SURF4: variants seen among roughly 807,000 people sequenced by gnomAD.
SURF4 encodes surfeit locus protein 4.
Under a neutral mutation model 30.0 loss-of-function variants are expected in SURF4, and 3 were observed. The observed-to-expected ratio is 0.10, with a 90% CI of 0.05 to 0.26. The LOEUF is 0.26. Among genes scored for constraint, SURF4 ranks in the 10% least tolerant of loss-of-function variants. The pLI is 1.00. For synonymous variants in SURF4, 143 were observed against 139.9 expected (o/e 1.02, Z -0.16); for missense variants, 217 against 350.8 (o/e 0.62, Z 3.05).
chr9:133,371,845 C>T (rs2130192487), intron 1 of SURF4, among the ~76,000 whole-genome samples: 2 of 152,280 alleles, frequency 1.3e-5, no homozygotes, highest in Non-Finnish European at 1.5e-5. Flanking sequence ...CAACTAGGGC[C>T]GAGGCCAGCT....
At chr9:133,372,932 G>A (rs1035785006) in intron 1 of SURF4, among the ~76,000 whole-genome samples, 3 of 152,210 alleles carry the variant, frequency 2.0e-5, no homozygotes, top group Admixed American at 2.0e-4. Flanking sequence ...CCACAAAAGG[G>A]CATGGAAGCT....
rs2130090741 is a variant in SURF4, at chr9:133,363,679, A to G, written c.624T>C (p.Leu208=). ...CGTTGATGGCAAAGAGCCACACAAC[A>G]AGAGTCAAAGCAGCCAGCTTGGTTT... The part of the protein sequence containing the change: ...GFKTKLAALT[L]VVWLFAINVY... Residue 208 remains leucine (L), a synonymous_variant, in exon 6 of 6, where the codon CTT becomes CTC. Coordinates refer to ENST00000371989, the MANE Select transcript of SURF4 (RefSeq NM_033161.4). The surrounding 1 kb of genome is among the most constrained non-coding windows in gnomAD (Gnocchi z 4.3). 3.1e-6 allele frequency: 5 copies of G among 1,614,268 alleles called. No individual in the cohort carries two copies. Among genetic ancestry groups the G allele is most frequent in the East Asian group, 2.2e-5 (1 of 44,894 alleles).
At position 133,363,396 on chromosome 9, in the gene SURF4, A is replaced by C. The variant is rs2130085065; in HGVS notation, c.*97T>G. Reference sequence around the variant, plus strand: ...TGCCTTTACCAAGGGAGGGGAAGGGAAGAGGATACATAAAAGCTGGCAGTT... The same window carrying C: ...TGCCTTTACCAAGGGAGGGGAAGGGCAGAGGATACATAAAAGCTGGCAGTT... On this transcript the variant is annotated 3_prime_UTR_variant, in exon 6 of 6. Coordinates refer to ENST00000371989, the MANE Select transcript of SURF4 (RefSeq NM_033161.4). This position sits in a 1 kb window ranked among gnomAD's most constrained non-coding sequence, Gnocchi z 4.3. 6.3e-7 allele frequency: 1 copy of C among 1,586,760 alleles called. No individual in the cohort carries two copies. The highest frequency in any genetic ancestry group is 8.6e-7 in the Non-Finnish European group (1 of 1,157,966).
chr9:133,363,301 CTG>C lies in SURF4; in HGVS notation c.*190_*191del, dbSNP rs2130084084. 13 of 987,102 alleles carry C rather than the reference CTG, an allele frequency of 1.3e-5. No homozygotes were observed. Among genetic ancestry groups the C allele is most frequent in the East Asian group, 7.8e-5 (3 of 38,350 alleles). The allele number at this position is 987,102 out of a possible 1,614,324, so 61.1% of individuals were successfully genotyped here. On this transcript the variant is annotated 3_prime_UTR_variant, in exon 6 of 6. Transcript: ENST00000371989. The surrounding 1 kb of genome is among the most constrained non-coding windows in gnomAD (Gnocchi z 4.3). ...CTGCACTGAAGGGTCAGACGCCAGA[CTG>C]TGGCTCCAGAGCAGACTGAGCCATC... is the stretch of plus-strand genomic sequence containing the variant.
intron 4 of SURF4, among the ~76,000 whole-genome samples, chr9:133,365,565 T>C (rs1197294242): frequency 6.6e-6 from 1 of 152,164 alleles, no homozygotes; most frequent in Non-Finnish European, 1.5e-5. Flanking sequence ...TGATAGGTGA[T>C]GAGCTAAAAA....
At chr9:133,365,141 TCCAAAC>T in intron 4 of SURF4, 115 bp from the exon 5 acceptor site, 1 of 1,004,852 alleles carries the variant, frequency 1.0e-6, no homozygotes, top group Admixed American at 3.1e-5. Context: ...CTTCCCTTTC[TCCAAAC>T]CCAGTGATCT....
In SURF4 at chr9:133,367,429, T is replaced by C. The variant is rs2130142145; in HGVS notation, c.65A>G (p.Lys22Arg). Reference protein sequence around the residue: ...DFADQFLRVTKQYLPHVARLC... With the variant: ...DFADQFLRVTRQYLPHVARLC... ...GCGCGCCACGTGGGGCAGGTACTGCTTTGTGACACGGAGGAACTGCAGGGC... is the reference window on the plus strand; with the variant it reads ...GCGCGCCACGTGGGGCAGGTACTGCCTTGTGACACGGAGGAACTGCAGGGC... Residue 22 changes from lysine (K) to arginine (R), a missense_variant, in exon 2 of 6, where the codon AAG becomes AGG. Physicochemically the swap from Lys to Arg is conservative, Grantham distance 26. Transcript: ENST00000371989. 1 of 1,613,846 alleles carries C rather than the reference T, an allele frequency of 6.2e-7. No homozygotes were observed. The highest frequency in any genetic ancestry group is 2.2e-5 in the East Asian group (1 of 44,878).
chr9:133,376,171 G>A (rs1183672759), upstream of SURF4: 4 of 1,230,270 alleles, frequency 3.3e-6, no homozygotes, highest in Non-Finnish European at 4.1e-6. Flanking sequence ...CGTCTTAAAG[G>A]GGCCACGCGC....
chr9:133,374,914 T>TA (rs1267100166), intron 1 of SURF4, among the ~76,000 whole-genome samples: 1 of 151,970 alleles, frequency 6.6e-6, no homozygotes, highest in Non-Finnish European at 1.5e-5. Flanking sequence ...CATCACTACT[T>TA]AAAACTCTAG....
At chr9:133,364,690 C>CAA (rs2130106812) in intron 5 of SURF4, 150 bp downstream of exon 5, 3,085 of 475,856 alleles carry the variant, frequency 6.5e-3, no homozygotes, top group Middle Eastern at 9.3e-3. Flanking sequence ...GACTCCGTCT[C>CAA]AAAAAAAAAA....
chr9:133,374,657 G>C (rs1178094477), intron 1 of SURF4, among the ~76,000 whole-genome samples: 1 of 152,166 alleles, frequency 6.6e-6, no homozygotes, highest in Non-Finnish European at 1.5e-5. Context: ...TCGTCAAGTT[G>C]ATTACTTTTT....
In SURF4 at chr9:133,370,269, T is replaced by G. The variant is rs2130178336; in HGVS notation, c.49-2824A>C. Reference sequence around the variant, plus strand: ...AAGAGAGAGAAGGTGGGACAGGCAATTCACACCTCCTTCCCTGCGCAAACA... The same window carrying G: ...AAGAGAGAGAAGGTGGGACAGGCAAGTCACACCTCCTTCCCTGCGCAAACA... On this transcript the variant is annotated intron_variant, in intron 1 of 5. Transcript: ENST00000371989. Among the ~76,000 whole-genome samples the G allele has an allele frequency of 2.0e-3, 298 of 152,288 alleles. 1 individual carries two copies. Among genetic ancestry groups the G allele is most frequent in the African/African-American group, 6.9e-3 (286 of 41,548 alleles).
chr9:133,364,410 G>A (rs2130101995), intron 5 of SURF4, among the ~76,000 whole-genome samples: 2 of 152,150 alleles, frequency 1.3e-5, no homozygotes, highest in Admixed American at 6.5e-5. Flanking sequence ...AGTTTGCTCC[G>A]CCGAGCACGG....
chr9:133,363,821 C>T lies in SURF4; in HGVS notation c.544-62G>A. On this transcript the variant is annotated intron_variant, in intron 5 of 5. Coordinates refer to ENST00000371989, the MANE Select transcript of SURF4 (RefSeq NM_033161.4). This position sits in a 1 kb window ranked among gnomAD's most constrained non-coding sequence, Gnocchi z 4.3. Reference sequence around the variant, plus strand: ...GTGAGGAAAAGAGATGCTTTATAAACAAAAGTTCCAGCTGCTGCACGTCAT... The same window carrying T: ...GTGAGGAAAAGAGATGCTTTATAAATAAAAGTTCCAGCTGCTGCACGTCAT... 1.3e-6 allele frequency: 2 copies of T among 1,597,272 alleles called. No homozygotes were observed. The highest frequency in any genetic ancestry group is 4.5e-5 in the East Asian group (2 of 44,622).
intron 5 of SURF4, 30 bp downstream of exon 5, chr9:133,364,809 CA>C: frequency 1.7e-5 from 27 of 1,612,528 alleles, no homozygotes; most frequent in Non-Finnish European, 2.3e-5. Context: ...CACAGGAAAC[CA>C]GACCGGTTCA....
chr9:133,366,585 C>T lies in SURF4; in HGVS notation c.312+14G>A, dbSNP rs2130128304. 62 of 1,613,554 alleles carry T rather than the reference C, an allele frequency of 3.8e-5. No individual in the cohort carries two copies. The highest frequency in any genetic ancestry group is 3.5e-4 in the Admixed American group (21 of 60,002). On this transcript the variant is annotated intron_variant, in intron 3 of 5. Transcript: ENST00000371989. Reference sequence around the variant, plus strand: ...AGCAAAGAGAAGGGAGCCCCGACCACGCGGCCCGTGTACCTGCAGAGCTAT... The same window carrying T: ...AGCAAAGAGAAGGGAGCCCCGACCATGCGGCCCGTGTACCTGCAGAGCTAT...
At chr9:133,371,860 G>C (rs2130192770) in intron 1 of SURF4, among the ~76,000 whole-genome samples, 218 of 152,300 alleles carry the variant, frequency 1.4e-3, no homozygotes, top group Middle Eastern at 3.4e-3. Flanking sequence ...CCAGCTCCTA[G>C]GGCCCAGGAC....
Position 133,363,837 on chromosome 9 carries a change from T to G in SURF4, c.544-78A>C, listed in dbSNP as rs2130093893. On this transcript the variant is annotated intron_variant, in intron 5 of 5. Transcript: ENST00000371989. The surrounding 1 kb of genome is among the most constrained non-coding windows in gnomAD (Gnocchi z 4.3). ...CTTTATAAACAAAAGTTCCAGCTGCTGCACGTCATGAAGTCTCTATCCATC... is the reference window on the plus strand; with the variant it reads ...CTTTATAAACAAAAGTTCCAGCTGCGGCACGTCATGAAGTCTCTATCCATC... 34 of 1,549,684 alleles carry G rather than the reference T, an allele frequency of 2.2e-5. No individual in the cohort carries two copies. The highest frequency in any genetic ancestry group is 3.0e-5 in the Non-Finnish European group (34 of 1,127,872).
intron 2 of SURF4, among the ~76,000 whole-genome samples, 191 bp downstream of exon 2, chr9:133,367,068 C>A (rs1385788319): frequency 6.6e-6 from 1 of 152,232 alleles, no homozygotes; most frequent in Non-Finnish European, 1.5e-5. Flanking sequence ...GAGCTCAGGG[C>A]TAGAGACTAA....
Sources: gnomAD v4.1 joint callset for allele counts (sites outside exome capture counted in the v4.1 genomes callset) on GRCh38, gnomAD v4.1.1 for gene constraint, Gnocchi (gnomAD v3.1) non-coding constraint, MANE v1.5 for transcripts, NCBI Gene and HGNC (gene_info 2026-07-23, HGNC 2026-07-21) for gene names.